ATMIN: variants seen among roughly 807,000 people sequenced by gnomAD.
ATMIN encodes ATM INteracting protein.
A neutral mutation model predicts 49.2 loss-of-function variants in ATMIN; 24 were observed. The observed-to-expected ratio is 0.49, with a 90% CI of 0.35 to 0.69. The LOEUF (loss-of-function observed/expected upper bound fraction) is 0.69, where lower values mean the gene tolerates loss of function less well. ATMIN is among the 30% of genes least tolerant of loss of function. ATMIN has a pLI of 0.00. For synonymous variants in ATMIN, 450 were observed against 392.5 expected (o/e 1.15, Z -1.73); for missense variants, 1,037 against 1,005.5 (o/e 1.03, Z -0.42).
chr16:81,036,312 T>A, intron 1 of ATMIN, 106 bp downstream of exon 1: 1 of 992,594 alleles, frequency 1.0e-6, no homozygotes, highest in Non-Finnish European at 1.2e-6. Flanking sequence ...CCCTGCGCGC[T>A]GCCGCTGCCG....
At position 81,041,416 on chromosome 16, in the gene ATMIN, T is replaced by G; in HGVS notation, c.397T>G (p.Cys133Gly). 6.2e-7 allele frequency: 1 copy of G among 1,614,022 alleles called. No homozygotes were observed. Among genetic ancestry groups the G allele is most frequent in the Non-Finnish European group, 8.5e-7 (1 of 1,179,970 alleles). The change falls in exon 2 of 4, where the codon TGT becomes GGT. Residue 133 changes from cysteine (C) to glycine (G), a missense_variant. Transcript: ENST00000299575. Reference sequence around the variant, plus strand: ...GAAAACTGGACCGAAATTCTACTGCTGTCCAATTGAAGGCTGCCCCAGAGG... The same window carrying G: ...GAAAACTGGACCGAAATTCTACTGCGGTCCAATTGAAGGCTGCCCCAGAGG... Reference protein sequence around the residue: ...DLKTGPKFYCCPIEGCPRGPE... With the variant: ...DLKTGPKFYCGPIEGCPRGPE...
rs1239440556 is a variant in ATMIN at position 81,044,580 on chromosome 16, C to T, written c.2082C>T (p.Phe694=). 2 of 1,614,102 alleles carry T rather than the reference C, an allele frequency of 1.2e-6. No homozygotes were observed. The highest frequency in any genetic ancestry group is 1.7e-6 in the Non-Finnish European group (2 of 1,180,018). Residue 694 remains phenylalanine (F), a synonymous_variant, in exon 4 of 4, where the codon TTC becomes TTT. Coordinates refer to ENST00000299575, the MANE Select transcript of ATMIN (RefSeq NM_015251.3). ...ATGGGTGTAGGGGAAATTCTAACTT[C>T]TTAGGCCTTGAGATGTTTGACACAC... ...QSYGCRGNSN[F]LGLEMFDTQT...
chr16:81,043,879 A>G lies in ATMIN; in HGVS notation c.1381A>G (p.Thr461Ala), dbSNP rs370418609. ...TCTTCCCATTAGTGTTCACACTCAG[A>G]CATTTTTGCCCAGCTCTAAGGTAAC... ...VSLPISVHTQTFLPSSKVTSS... is the reference protein window; with the variant it reads ...VSLPISVHTQAFLPSSKVTSS... Residue 461 changes from threonine (T) to alanine (A), a missense_variant, in exon 4 of 4, where the codon ACA becomes GCA. Physicochemically the swap from Thr to Ala is moderately conservative, Grantham distance 58 (BLOSUM62 0). Transcript: ENST00000299575. The G allele has an allele frequency of 4.7e-5, 76 of 1,614,078 alleles. No homozygotes were observed. Among genetic ancestry groups the G allele is most frequent in the Non-Finnish European group, 6.3e-5 (74 of 1,180,060 alleles).
Position 81,044,077 on chromosome 16 carries a change from G to T in ATMIN, c.1579G>T (p.Val527Phe). The change falls in exon 4 of 4, where the codon GTT (valine) becomes TTT (phenylalanine). Residue 527 changes from valine to phenylalanine, a missense_variant. Coordinates refer to ENST00000299575, the MANE Select transcript of ATMIN (RefSeq NM_015251.3). ...IFESVHSSYNVATGNIISNSL... is the reference protein window; with the variant it reads ...IFESVHSSYNFATGNIISNSL... Reference sequence around the variant, plus strand: ...TGAGAGTGTTCATTCATCATATAATGTTGCTACAGGTAACATTATAAGCAA... The same window carrying T: ...TGAGAGTGTTCATTCATCATATAATTTTGCTACAGGTAACATTATAAGCAA... 1 of 1,614,162 alleles carries T rather than the reference G, an allele frequency of 6.2e-7. No homozygotes were observed. The highest frequency in any genetic ancestry group is 2.2e-5 in the East Asian group (1 of 44,884).
intron 1 of ATMIN, among the ~76,000 whole-genome samples, chr16:81,039,746 A>G (rs868635349): frequency 1.3e-5 from 2 of 152,324 alleles, no homozygotes; most frequent in Middle Eastern, 6.8e-3. Context: ...CCTCTTATCA[A>G]GCAACATTTA....
In ATMIN at chr16:81,035,934, G is replaced by A. The variant is rs1420986926; in HGVS notation, c.64G>A (p.Val22Ile). Residue 22 changes from valine (V) to isoleucine (I), a missense_variant, in exon 1 of 4, where the codon GTC becomes ATC. Val to Ile is a conservative substitution (Grantham distance 29, BLOSUM62 3). Transcript: ENST00000299575. Reference sequence around the variant, plus strand: ...GGCTCTGGCGGCGGGTGCCCGGGCCGTCCCGGCGGCCACGACAGGAGCCGC... The same window carrying A: ...GGCTCTGGCGGCGGGTGCCCGGGCCATCCCGGCGGCCACGACAGGAGCCGC... ...SAALAAGARA[V>I]PAATTGAAAA... is the part of the protein sequence containing the mutation. 3.0e-6 allele frequency: 3 copies of A among 996,756 alleles called. No individual in the cohort carries two copies. Among genetic ancestry groups the A allele is most frequent in the Non-Finnish European group, 3.6e-6 (3 of 838,990 alleles). 61.7% of individuals were successfully genotyped at this position (996,756 alleles called of 1,614,324 possible). A position where few individuals can be genotyped will look rare whatever the true frequency, so the allele number is the denominator to read the frequency against.
chr16:81,036,791 C>T (rs1045347220), intron 1 of ATMIN, among the ~76,000 whole-genome samples: 1 of 152,106 alleles, frequency 6.6e-6, no homozygotes, highest in African/African-American at 2.4e-5. Context: ...CTGACTTGAT[C>T]ACTATGCAAT....
intron 3 of ATMIN, 67 bp downstream of exon 3, chr16:81,042,547 G>A: frequency 6.6e-7 from 1 of 1,509,872 alleles, no homozygotes; most frequent in Non-Finnish European, 9.1e-7. Context: ...GAAACATCCT[G>A]GAGAGCCAGT....
At position 81,043,348 on chromosome 16, in the gene ATMIN, CT is replaced by C; in HGVS notation, c.852del (p.Thr285GlnfsTer24). 1 of 1,608,504 alleles carries C rather than the reference CT, an allele frequency of 6.2e-7. No individual in the cohort carries two copies. The highest frequency in any genetic ancestry group is 8.5e-7 in the Non-Finnish European group (1 of 1,177,932). On this transcript the variant is annotated frameshift_variant, in exon 4 of 4. Coordinates refer to ENST00000299575, the MANE Select transcript of ATMIN (RefSeq NM_015251.3). LOFTEE classifies it low-confidence loss of function (END_TRUNC). ...SCGSNTDKQTLTTPPRYPQKL... is the reference protein window; with the variant it reads ...SCGSNTDKQTXTTPPRYPQKL... ...TGGCTCTAACACTGACAAGCAGACT[CT>C]TACAACACCACCGAGATATCCTCAG... is the stretch of plus-strand genomic sequence containing the variant.
intron 1 of ATMIN, chr16:81,037,154 T>C: frequency 1.0e-6 from 1 of 985,116 alleles, no homozygotes; most frequent in Non-Finnish European, 1.2e-6. Context: ...AATCTCTCAG[T>C]CATTACAATG....
rs752448184 is a variant in ATMIN at position 81,044,003 on chromosome 16, C to T, written c.1505C>T (p.Thr502Met). ...ETQTSGIESP[T>M]DDHVQMDQAG... ...CAAACCAGTGGGATAGAAAGTCCAA[C>T]GGATGACCATGTACAGATGGACCAA... The change falls in exon 4 of 4, where the codon ACG (threonine) becomes ATG (methionine). Residue 502 changes from threonine to methionine, a missense_variant. Physicochemically the swap from Thr to Met is moderately conservative, Grantham distance 81. Transcript: ENST00000299575. 1.5e-5 allele frequency: 25 copies of T among 1,614,166 alleles called. No individual in the cohort carries two copies. Among genetic ancestry groups the T allele is most frequent in the South Asian group, 6.6e-5 (6 of 91,082 alleles).
At position 81,037,468 on chromosome 16, in the gene ATMIN, T is replaced by C. The variant is rs549503763; in HGVS notation, c.336+1262T>C. ...AGATCAGGGAGCCAGTCAGGAAATG[T>C]ACCTGAGGTATGCTGAGGAAGACCG... On this transcript the variant is annotated intron_variant, in intron 1 of 3. Transcript: ENST00000299575. 4.1e-6 allele frequency: 4 copies of C among 985,482 alleles called. 1 individual carries two copies. In the East Asian group the frequency reaches 4.5e-4, roughly 112 times the overall value. The allele number at this position is 985,482 out of a possible 1,614,324, so 61.0% of individuals were successfully genotyped here.
chr16:81,044,876 T>A lies in ATMIN; in HGVS notation c.2378T>A (p.Leu793His), dbSNP rs1971094142. Reference sequence around the variant, plus strand: ...ACTCAGACAGCAATGGATGACTTTCTTCTGGCTGATCTGGCCTGGAACACG... The same window carrying A: ...ACTCAGACAGCAATGGATGACTTTCATCTGGCTGATCTGGCCTGGAACACG... ...NETQTAMDDF[L>H]LADLAWNTME... is the part of the protein sequence containing the mutation. Residue 793 changes from leucine (L) to histidine (H), a missense_variant, in exon 4 of 4, where the codon CTT becomes CAT. Leu to His is a moderately conservative substitution (Grantham distance 99). Coordinates refer to ENST00000299575, the MANE Select transcript of ATMIN (RefSeq NM_015251.3). The A allele has an allele frequency of 6.2e-7, 1 of 1,614,214 alleles. No individual in the cohort carries two copies. The highest frequency in any genetic ancestry group is 8.5e-7 in the Non-Finnish European group (1 of 1,180,024).
chr16:81,045,537 A>C lies in ATMIN; in HGVS notation c.*567A>C, dbSNP rs1971103566. ...CCTCTTTTCTGATTTAAAGACACCA[A>C]GGAAAACTACAACTGTCTTTAGCTT... On this transcript the variant is annotated 3_prime_UTR_variant, in exon 4 of 4. Coordinates refer to ENST00000299575, the MANE Select transcript of ATMIN (RefSeq NM_015251.3). 6.5e-6 allele frequency: 1 copy of C among 153,094 alleles called. No homozygotes were observed. The highest frequency in any genetic ancestry group is 2.4e-5 in the African/African-American group (1 of 41,472). The allele number at this position is 153,094 out of a possible 1,614,324, so 9.5% of individuals were successfully genotyped here.
At chr16:81,037,015 C>T (rs1567562474) in intron 1 of ATMIN, among the ~76,000 whole-genome samples, 1 of 152,160 alleles carries the variant, frequency 6.6e-6, no homozygotes, top group Admixed American at 6.5e-5. Context: ...GTAAATACAC[C>T]ATGACAATAG....
chr16:81,040,733 G>T (rs74028901), intron 1 of ATMIN: 5,425 of 154,024 alleles, frequency 0.035, 329 homozygotes, highest in African/African-American at 0.12. Context: ...CAGTACGGGG[G>T]TGCTGCTGAA....
chr16:81,037,557 T>C, intron 1 of ATMIN: 1 of 910,352 alleles, frequency 1.1e-6, no homozygotes, highest in Non-Finnish European at 1.3e-6. Flanking sequence ...CAAGTGTAAC[T>C]CTGGGAATGG....
At position 81,047,281 on chromosome 16, in the gene ATMIN, T is replaced by C. The variant is rs544577645; in HGVS notation, c.*2311T>C. On this transcript the variant is annotated 3_prime_UTR_variant, in exon 4 of 4. Coordinates refer to ENST00000299575, the MANE Select transcript of ATMIN (RefSeq NM_015251.3). ...TGAACGTACTCATAAATATGACTTA[T>C]TGTATTGCCTTAAGTTTTCACTCAT... 21 of 152,362 alleles carry C rather than the reference T, an allele frequency of 1.4e-4. No homozygotes were observed. Among genetic ancestry groups the C allele is most frequent in the South Asian group, 4.1e-4 (2 of 4,830 alleles). 9.4% of individuals were successfully genotyped at this position (152,362 alleles called of 1,614,324 possible).
chr16:81,037,083 A>G (rs1970950673), intron 1 of ATMIN: 3 of 710,238 alleles, frequency 4.2e-6, no homozygotes, highest in Admixed American at 6.3e-5. Context: ...CTTGGGACAC[A>G]TCTGTGACAA....
Sources: gnomAD v4.1 joint callset for allele counts (sites outside exome capture counted in the v4.1 genomes callset) on GRCh38, gnomAD v4.1.1 for gene constraint, MANE v1.5 for transcripts, NCBI Gene and HGNC (gene_info 2026-07-23, HGNC 2026-07-21) for gene names.